Variants in ITPK1 observed in about 807,000 individuals in gnomAD.
The protein encoded by ITPK1 is inositol 1,3,4-trisphosphate 5/6-kinase.
A neutral mutation model predicts 45.3 loss-of-function variants in ITPK1; 21 were observed. The ratio of observed to expected loss-of-function variants is 0.46; its 90% confidence interval spans 0.33 to 0.67. The LOEUF (loss-of-function observed/expected upper bound fraction) is 0.67, where lower values mean the gene tolerates loss of function less well. Ranked by LOEUF, ITPK1 falls within the 30% of genes least tolerant of loss-of-function variation. The pLI, the probability that ITPK1 is intolerant of heterozygous loss-of-function variation, is 0.02. For missense variants in ITPK1, 474 were observed against 573.5 expected, an observed-to-expected ratio of 0.83 and a Z score of 1.77; for synonymous variants, 258 against 253.6, an observed-to-expected ratio of 1.02 and a Z score of -0.16.
chr14:93,012,728 G>A lies in ITPK1; in HGVS notation c.246+3948C>T, dbSNP rs955989903. ...CTGTGTGCAGACCGGGAATTCAGGG[G>A]ACATCTGAGGGACAATTACCGTCCT... On this transcript the variant is annotated intron_variant, in intron 4 of 10. Coordinates refer to ENST00000267615, the MANE Select transcript of ITPK1 (RefSeq NM_014216.6). This position sits in a 1 kb window ranked among gnomAD's most constrained non-coding sequence, Gnocchi z 4.9. Among the ~76,000 whole-genome samples, 1 of 152,204 alleles carries A rather than the reference G, an allele frequency of 6.6e-6. No homozygotes were observed. Among genetic ancestry groups the A allele is most frequent in the African/African-American group, 2.4e-5 (1 of 41,446 alleles).
chr14:93,033,718 C>T (rs1361867003), intron 3 of ITPK1, among the ~76,000 whole-genome samples: 1 of 152,178 alleles, frequency 6.6e-6, no homozygotes, highest in African/African-American at 2.4e-5. Context: ...GACAGACACA[C>T]ACCCACTGGT....
chr14:93,089,443 C>A (rs897346808), intron 2 of ITPK1, among the ~76,000 whole-genome samples: 2 of 152,146 alleles, frequency 1.3e-5, no homozygotes, highest in African/African-American at 4.8e-5. Flanking sequence ...AGGTTGCTGG[C>A]TTCCATAGGA....
At chr14:93,064,615 G>A (rs532702420) in intron 3 of ITPK1, among the ~76,000 whole-genome samples, 6 of 152,240 alleles carry the variant, frequency 3.9e-5, no homozygotes, top group African/African-American at 1.4e-4. Flanking sequence ...CTGCAGGGCC[G>A]GGCACCAGCA....
chr14:93,029,666 C>CA (rs931053705), intron 3 of ITPK1, among the ~76,000 whole-genome samples: 6 of 152,168 alleles, frequency 3.9e-5, no homozygotes, highest in African/African-American at 1.4e-4. Flanking sequence ...ACAACAAGCA[C>CA]ACAAGGCAGG....
At chr14:92,996,168 G>GC (rs1389624208) in intron 4 of ITPK1, among the ~76,000 whole-genome samples, 1 of 152,196 alleles carries the variant, frequency 6.6e-6, no homozygotes, top group Non-Finnish European at 1.5e-5. Flanking sequence ...GATCACTCAG[G>GC]CCCAGGAGAT....
chr14:93,102,165 A>G (rs578236279), intron 2 of ITPK1, among the ~76,000 whole-genome samples: 8 of 152,250 alleles, frequency 5.3e-5, no homozygotes, highest in Non-Finnish European at 7.3e-5. Context: ...GCTCCTCCTG[A>G]TATGTAGACA....
rs539098300 is a variant in ITPK1 at position 93,114,901 on chromosome 14, C to T, written c.95+168G>A. ...CACCGCTTCCCTGGAACGCGGCCGG[C>T]GGCCGCCACCGCCACCTGGCTGCTC... On this transcript the variant is annotated intron_variant, in intron 2 of 10. Coordinates refer to ENST00000267615, the MANE Select transcript of ITPK1 (RefSeq NM_014216.6). 3.0e-4 allele frequency among the ~76,000 whole-genome samples: 45 copies of T among 152,246 alleles called. 1 individual carries two copies. In the East Asian group the frequency reaches 8.8e-3, roughly 30 times the overall value.
chr14:92,946,378 T>C lies in ITPK1; in HGVS notation c.854A>G (p.Asn285Ser). 1 of 1,613,466 alleles carries C rather than the reference T, an allele frequency of 6.2e-7. No homozygotes were observed. Among genetic ancestry groups the C allele is most frequent in the Non-Finnish European group, 8.5e-7 (1 of 1,180,002 alleles). Reference sequence around the variant, plus strand: ...GACGGCGTGCTGCCCTGTCTGGTTGTTGATGATGATGTCGATGCCGAAGAG... The same window carrying C: ...GACGGCGTGCTGCCCTGTCTGGTTGCTGATGATGATGTCGATGCCGAAGAG... ...VSLFGIDIIINNQTGQHAVID... is the reference protein window; with the variant it reads ...VSLFGIDIIISNQTGQHAVID... Residue 285 changes from asparagine (N) to serine (S), a missense_variant, in exon 10 of 11, where the codon AAC becomes AGC. This residue lies in a region of ITPK1 where 367 missense variants were observed against 480.6 expected (regional missense o/e 0.76). Transcript: ENST00000267615.
chr14:93,019,662 T>C (rs938241795), intron 3 of ITPK1, among the ~76,000 whole-genome samples: 3 of 151,734 alleles, frequency 2.0e-5, no homozygotes, highest in Non-Finnish European at 2.9e-5. Context: ...CCTGAAGGGG[T>C]CTGTCCCCTG....
At chr14:93,096,041 G>C (rs1045970745) in intron 2 of ITPK1, among the ~76,000 whole-genome samples, 1 of 152,146 alleles carries the variant, frequency 6.6e-6, no homozygotes, top group African/African-American at 2.4e-5. Flanking sequence ...CTGGGGCCTG[G>C]AAAGCGCTGA....
At chr14:93,002,079 T>C (rs1887383407) in intron 4 of ITPK1, among the ~76,000 whole-genome samples, 1 of 152,120 alleles carries the variant, frequency 6.6e-6, no homozygotes, top group Non-Finnish European at 1.5e-5. Flanking sequence ...CCTGGCCAGG[T>C]GTGGTGGCTC....
At chr14:92,942,683 A>C (rs1005556819) in intron 10 of ITPK1, among the ~76,000 whole-genome samples, 8 of 151,974 alleles carry the variant, frequency 5.3e-5, no homozygotes, top group African/African-American at 1.7e-4. Flanking sequence ...CAGAACAGAA[A>C]CCATGGTACC....
chr14:92,959,875 G>A (rs1884964546), intron 7 of ITPK1, among the ~76,000 whole-genome samples: 1 of 152,220 alleles, frequency 6.6e-6, no homozygotes, highest in Non-Finnish European at 1.5e-5. Flanking sequence ...GAGATTCAGA[G>A]GCCGGGAGTG....
chr14:92,976,376 G>A (rs902743898), intron 5 of ITPK1, among the ~76,000 whole-genome samples: 3 of 152,126 alleles, frequency 2.0e-5, no homozygotes, highest in Non-Finnish European at 2.9e-5. Flanking sequence ...TGTCTTTCTC[G>A]GGACACACCC....
chr14:93,040,674 C>G (rs1420710109), intron 3 of ITPK1, among the ~76,000 whole-genome samples: 1 of 152,182 alleles, frequency 6.6e-6, no homozygotes, highest in Non-Finnish European at 1.5e-5. Flanking sequence ...TTCAATGCCC[C>G]CCTCTCCCCC....
At chr14:93,044,386 A>G (rs1259883126) in intron 3 of ITPK1, among the ~76,000 whole-genome samples, 1 of 152,252 alleles carries the variant, frequency 6.6e-6, no homozygotes, top group African/African-American at 2.4e-5. Context: ...GACACAAGGA[A>G]GGGACCATGA....
chr14:93,035,661 G>A (rs1276881117), intron 3 of ITPK1, among the ~76,000 whole-genome samples: 3 of 152,240 alleles, frequency 2.0e-5, no homozygotes, highest in Admixed American at 1.3e-4. Flanking sequence ...GTGAGTGGGA[G>A]GCAGTGGTCT....
At chr14:93,051,827 A>G (rs1331646537) in intron 3 of ITPK1, among the ~76,000 whole-genome samples, 1 of 152,236 alleles carries the variant, frequency 6.6e-6, no homozygotes, top group East Asian at 1.9e-4. Flanking sequence ...AAGCCCTTCC[A>G]TTGTAACGCT....
At chr14:93,041,100 G>C (rs937040535) in intron 3 of ITPK1, among the ~76,000 whole-genome samples, 1 of 152,158 alleles carries the variant, frequency 6.6e-6, no homozygotes, top group African/African-American at 2.4e-5. Flanking sequence ...TCAGGAGGGG[G>C]CTATTTTGAT....
Sources: allele counts gnomAD v4.1 joint callset (sites outside exome capture counted in the v4.1 genomes callset), GRCh38; gene constraint gnomAD v4.1.1; regional missense constraint gnomAD v4.1.1; non-coding constraint Gnocchi (gnomAD v3.1); transcripts MANE v1.5; gene names NCBI Gene and HGNC (gene_info 2026-07-23, HGNC 2026-07-21).